The following JAZF1 variants were observed in gnomAD, a reference collection of about 807,000 sequenced individuals.
JAZF1 encodes the protein juxtaposed with another zinc finger protein 1.
Under a neutral mutation model 26.4 loss-of-function variants are expected in JAZF1, and 8 were observed. The ratio of observed to expected loss-of-function variants is 0.30; its 90% CI spans 0.18 to 0.55. JAZF1 has a LOEUF of 0.55. Ranked by LOEUF, JAZF1 falls within the 20% of genes least tolerant of loss-of-function variation. JAZF1 has a pLI of 0.94. For synonymous variants in JAZF1, 126 were observed against 122.3 expected (o/e 1.03, Z -0.20); for missense variants, 199 against 322.0 (o/e 0.62, Z 2.92).
At chr7:27,854,119 A>T (rs1432922479) in intron 3 of JAZF1, among the ~76,000 whole-genome samples, 1 of 152,208 alleles carries the variant, frequency 6.6e-6, no homozygotes, top group Non-Finnish European at 1.5e-5. Flanking sequence ...CTTTACCATT[A>T]TGTAATGCCC....
rs1782691140 is a variant in JAZF1, at chr7:27,831,365, GTTTGT to G, written c.*1430_*1434del. 8.8e-6 allele frequency: 2 copies of G among 227,266 alleles called. No individual in the cohort carries two copies. The highest frequency in any genetic ancestry group is 4.4e-5 in the African/African-American group (2 of 45,012). 14.1% of individuals were successfully genotyped at this position (227,266 alleles called of 1,614,324 possible). A position where few individuals can be genotyped will look rare whatever the true frequency, so the allele number is the denominator to read the frequency against. On this transcript the variant is annotated 3_prime_UTR_variant, in exon 5 of 5. Coordinates refer to ENST00000283928, the MANE Select transcript of JAZF1 (RefSeq NM_175061.4). The stretch of plus-strand genomic sequence containing the variant: ...GGAAGAAACTTTATAAGCAATTTGA[GTTTGT>G]TTTATGGGCAGTTAGCTATCTCAAA...
intron 2 of JAZF1, among the ~76,000 whole-genome samples, chr7:27,903,338 C>A (rs532599272): frequency 6.6e-6 from 1 of 152,082 alleles, no homozygotes; most frequent in African/African-American, 2.4e-5. Context: ...GGACTACAGG[C>A]GTTCACCACC....
chr7:28,084,530 T>C (rs1348790974), intron 1 of JAZF1, among the ~76,000 whole-genome samples: 2 of 152,196 alleles, frequency 1.3e-5, no homozygotes, highest in Non-Finnish European at 2.9e-5. Flanking sequence ...GTCAGGAAGT[T>C]TGCTCTCACA....
intron 2 of JAZF1, among the ~76,000 whole-genome samples, chr7:27,898,322 T>G (rs1356466728): frequency 8.2e-6 from 1 of 122,482 alleles, no homozygotes; most frequent in East Asian, 2.6e-4. Flanking sequence ...TTTTTTTTTT[T>G]TTTTTTTTGA....
intron 1 of JAZF1, among the ~76,000 whole-genome samples, chr7:28,145,228 G>A (rs896216979): frequency 1.3e-5 from 2 of 152,206 alleles, no homozygotes; most frequent in African/African-American, 4.8e-5. Flanking sequence ...CAAAGGAAAA[G>A]GTAACTAAAA....
At chr7:28,102,647 T>C (rs1428986628) in intron 1 of JAZF1, among the ~76,000 whole-genome samples, 1 of 152,198 alleles carries the variant, frequency 6.6e-6, no homozygotes, top group Non-Finnish European at 1.5e-5. Flanking sequence ...AAAGGACATA[T>C]ACTGATTTGT....
chr7:27,837,161 T>TAAAAC (rs543378005), intron 4 of JAZF1, among the ~76,000 whole-genome samples: 41 of 152,162 alleles, frequency 2.7e-4, no homozygotes, highest in African/African-American at 8.7e-4. Flanking sequence ...TAACATTTCT[T>TAAAAC]AAAACAAAAC....
chr7:28,159,621 G>A (rs970806135), intron 1 of JAZF1, among the ~76,000 whole-genome samples: 1 of 152,126 alleles, frequency 6.6e-6, no homozygotes, highest in Admixed American at 6.5e-5. Context: ...CACTCTTGCC[G>A]CTGTGGAGGA....
At chr7:28,024,191 A>G (rs1056799844) in intron 1 of JAZF1, among the ~76,000 whole-genome samples, 1 of 152,134 alleles carries the variant, frequency 6.6e-6, no homozygotes, top group Non-Finnish European at 1.5e-5. Flanking sequence ...GCTACTCAGG[A>G]GGTTGCGGCG....
At chr7:27,895,523 C>T (rs1368441919) in intron 2 of JAZF1, 107 bp from the exon 3 acceptor site, 6 of 692,144 alleles carry the variant, frequency 8.7e-6, no homozygotes, top group South Asian at 2.7e-5. Context: ...AGGACCTTGG[C>T]CACAGGTCAG....
chr7:28,054,725 C>T (rs1276759852), intron 1 of JAZF1, among the ~76,000 whole-genome samples: 1 of 152,012 alleles, frequency 6.6e-6, no homozygotes, highest in East Asian at 1.9e-4. Context: ...AAAAAGTTAA[C>T]GCAGGAAGAG....
intron 1 of JAZF1, among the ~76,000 whole-genome samples, chr7:28,033,916 GT>G (rs1001949949): frequency 1.1e-4 from 17 of 151,940 alleles, no homozygotes; most frequent in Non-Finnish European, 2.5e-4. Context: ...TAATTTTTGT[GT>G]TTTTTTGTAG....
intron 1 of JAZF1, among the ~76,000 whole-genome samples, chr7:28,180,064 C>G (rs1243822914): frequency 3.4e-5 from 5 of 146,818 alleles, no homozygotes; most frequent in Admixed American, 6.8e-5. Context: ...ACTAACTCCG[C>G]GACCCTGCCC....
At chr7:28,040,615 G>A (rs1356566765) in intron 1 of JAZF1, among the ~76,000 whole-genome samples, 1 of 152,178 alleles carries the variant, frequency 6.6e-6, no homozygotes, top group Non-Finnish European at 1.5e-5. Context: ...CAGCCATAGA[G>A]TCTAGGCCAC....
intron 1 of JAZF1, among the ~76,000 whole-genome samples, chr7:28,146,640 G>A (rs1220426339): frequency 1.3e-5 from 2 of 152,114 alleles, no homozygotes; most frequent in Non-Finnish European, 2.9e-5. Context: ...CTCAGGGATG[G>A]CAGACAATTG....
chr7:28,128,701 C>T (rs550727539), intron 1 of JAZF1, among the ~76,000 whole-genome samples: 1 of 152,226 alleles, frequency 6.6e-6, no homozygotes, highest in East Asian at 1.9e-4. Context: ...TGAGTTTATA[C>T]TTAGCACTGA....
chr7:27,991,090 A>G (rs1243189315), intron 2 of JAZF1, among the ~76,000 whole-genome samples: 1 of 152,246 alleles, frequency 6.6e-6, no homozygotes, highest in Non-Finnish European at 1.5e-5. Context: ...ATTCATTCCC[A>G]GCTTTCCACT....
intron 1 of JAZF1, among the ~76,000 whole-genome samples, chr7:28,133,632 G>A (rs1391829019): frequency 6.6e-6 from 1 of 152,176 alleles, no homozygotes; most frequent in African/African-American, 2.4e-5. Flanking sequence ...GTGCACTAGT[G>A]TAGGAACCTG....
intron 1 of JAZF1, among the ~76,000 whole-genome samples, chr7:28,055,570 T>A (rs894653078): frequency 1.3e-5 from 2 of 152,194 alleles, no homozygotes; most frequent in African/African-American, 4.8e-5. Context: ...ACTCTAATAG[T>A]AACAGCAAGA....
Sources: allele counts gnomAD v4.1 joint callset (sites outside exome capture counted in the v4.1 genomes callset), GRCh38; gene constraint gnomAD v4.1.1; transcripts MANE v1.5; gene names NCBI Gene and HGNC (gene_info 2026-07-23, HGNC 2026-07-21).